The following FBLN7 variants were observed in gnomAD, a reference collection of about 807,000 sequenced individuals.
FBLN7 encodes the protein fibulin-7.
Under a neutral mutation model 44.0 loss-of-function variants are expected in FBLN7, and 31 were observed. That is an observed-to-expected ratio of 0.70 (90% CI 0.53 to 0.95). The LOEUF is 0.95. Ranked by LOEUF, FBLN7 falls within the 40% of genes least tolerant of loss-of-function variation. The pLI is 0.00. For synonymous variants in FBLN7, 262 were observed against 253.4 expected (o/e 1.03, Z -0.32); for missense variants, 573 against 618.5 (o/e 0.93, Z 0.78).
chr2:112,160,838 A>T (rs1208026488), intron 2 of FBLN7, among the ~76,000 whole-genome samples: 2 of 120,882 alleles, frequency 1.7e-5, no homozygotes, highest in Non-Finnish European at 3.6e-5. Flanking sequence ...GCATACACGC[A>T]CGCACACGCG....
intron 4 of FBLN7, among the ~76,000 whole-genome samples, chr2:112,179,652 C>T (rs753675080): frequency 2.0e-5 from 3 of 152,160 alleles, no homozygotes; most frequent in Non-Finnish European, 4.4e-5. Context: ...GGCACGTAGA[C>T]CAATGGAACG....
rs193182658 is a variant in FBLN7 at position 112,155,315 on chromosome 2, C to T, written c.76-4361C>T. 1.7e-3 allele frequency among the ~76,000 whole-genome samples: 256 copies of T among 152,316 alleles called. 7 individuals carry two copies. The highest frequency in any genetic ancestry group is 1.4e-3 in the Admixed American group (21 of 15,306). ...TCGGTGATGCCTGTGCCTATACCAA[C>T]TCAGGTGACAGATGAGCATGGCATC... On this transcript the variant is annotated intron_variant, in intron 1 of 7. Coordinates refer to ENST00000331203, the MANE Select transcript of FBLN7 (RefSeq NM_153214.3).
intron 2 of FBLN7, among the ~76,000 whole-genome samples, chr2:112,161,537 A>G (rs1002084142): frequency 9.2e-5 from 14 of 152,106 alleles, no homozygotes; most frequent in African/African-American, 2.9e-4. Context: ...AGGCCAAGAC[A>G]AGTAAGTTAG....
At chr2:112,204,925 TA>T in the FBLN7 span, among the ~76,000 whole-genome samples, 1 of 152,164 alleles carries the variant, frequency 6.6e-6, no homozygotes, top group Non-Finnish European at 1.5e-5. Flanking sequence ...ATTTTTTGTT[TA>T]TGACACTGTT....
the FBLN7 span, among the ~76,000 whole-genome samples, chr2:112,193,473 G>A: frequency 4.3e-4 from 65 of 152,250 alleles, no homozygotes; most frequent in African/African-American, 1.5e-3. Flanking sequence ...TATATGAAGA[G>A]AGCCTATGCA....
rs367842340 is a variant in FBLN7, at chr2:112,159,798, G to C, written c.198G>C (p.Gln66His). The C allele has an allele frequency of 1.9e-5, 30 of 1,587,506 alleles. No individual in the cohort carries two copies. Among genetic ancestry groups the C allele is most frequent in the African/African-American group, 5.4e-5 (4 of 74,004 alleles). Residue 66 changes from glutamine to histidine, a missense_variant, in exon 2 of 8, where the codon CAG becomes CAC. Gln to His is a conservative substitution (Grantham distance 24, BLOSUM62 0). Coordinates refer to ENST00000331203, the MANE Select transcript of FBLN7 (RefSeq NM_153214.3). ...TGAAGAGCCGGCTGGCCGCGCTGCA[G>C]AACTCTGTGGGCAGGGTGGGCCCAG... ...RHMKSRLAALQNSVGRVGPDA... is the reference protein window; with the variant it reads ...RHMKSRLAALHNSVGRVGPDA...
rs544258212 is a variant in FBLN7 at position 112,173,758 on chromosome 2, T to TA, written c.407-1955dup. Among the ~76,000 whole-genome samples, 29 of 152,342 alleles carry TA rather than the reference T, an allele frequency of 1.9e-4. No homozygotes were observed. In the South Asian group the frequency reaches 5.6e-3, roughly 29 times the overall value. On this transcript the variant is annotated intron_variant, in intron 3 of 7. Coordinates refer to ENST00000331203, the MANE Select transcript of FBLN7 (RefSeq NM_153214.3). ...TGACTGAATGCCACAGCCTGGGACA[T>TA]ACGTGCGTGTGATGACAACTGTACT...
At chr2:112,147,606 C>T (rs879359819) in intron 1 of FBLN7, among the ~76,000 whole-genome samples, 4 of 152,204 alleles carry the variant, frequency 2.6e-5, no homozygotes, top group African/African-American at 7.2e-5. Context: ...ATTTGGCTCC[C>T]GCCTTGCTGC....
chr2:112,176,934 AT>A (rs11301330), intron 4 of FBLN7: 74,523 of 143,200 alleles, frequency 0.52, 19,174 homozygotes, highest in East Asian at 0.76. Flanking sequence ...CCACTGTGGG[AT>A]TTTTTTTTTT....
chr2:112,157,990 G>A (rs549684114), intron 1 of FBLN7, among the ~76,000 whole-genome samples: 2 of 151,108 alleles, frequency 1.3e-5, no homozygotes, highest in South Asian at 2.1e-4. Context: ...TCTGCCCCCC[G>A]GGGTTCACGC....
chr2:112,207,733 A>AT, the FBLN7 span, among the ~76,000 whole-genome samples: 12 of 152,204 alleles, frequency 7.9e-5, no homozygotes, highest in Non-Finnish European at 1.6e-4. Flanking sequence ...TTGTAATGTC[A>AT]TAACAAGTCA....
At chr2:112,189,621 ATT>A (rs1186978171), downstream of FBLN7, 3 of 152,196 alleles carry the variant, frequency 2.0e-5, no homozygotes, top group Admixed American at 1.3e-4. Context: ...GTTTCATATT[ATT>A]TGAGGGAGGG....
the FBLN7 span, among the ~76,000 whole-genome samples, chr2:112,241,017 G>GTGT: frequency 6.6e-6 from 1 of 151,384 alleles, no homozygotes; most frequent in East Asian, 1.9e-4. Flanking sequence ...TTTTGTGTGT[G>GTGT]TGTGTGTGTG....
Position 112,165,025 on chromosome 2 carries a change from C to A in FBLN7, c.260C>A (p.Pro87His), listed in dbSNP as rs765787942. Residue 87 changes from proline to histidine, a missense_variant, in exon 3 of 8, where the codon CCC (proline) becomes CAC (histidine). By Grantham distance (77) the Pro-to-His change is moderately conservative. Coordinates refer to ENST00000331203, the MANE Select transcript of FBLN7 (RefSeq NM_153214.3). ...LPVSCPALNT[P>H]ADGRKFGSKY... ...GTTTCCTGCCCGGCTCTGAACACCC[C>A]CGCAGACGGCAGAAAGTTTGGAAGC... 2 of 1,614,182 alleles carry A rather than the reference C, an allele frequency of 1.2e-6. No homozygotes were observed. The highest frequency in any genetic ancestry group is 2.2e-5 in the South Asian group (2 of 91,066).
chr2:112,169,507 C>T (rs964038534), intron 3 of FBLN7, among the ~76,000 whole-genome samples: 5 of 152,152 alleles, frequency 3.3e-5, no homozygotes, highest in Non-Finnish European at 5.9e-5. Flanking sequence ...ACCAAAGAAA[C>T]GAATTTGAGA....
At chr2:112,206,385 T>C in the FBLN7 span, among the ~76,000 whole-genome samples, 8 of 152,106 alleles carry the variant, frequency 5.3e-5, no homozygotes, top group African/African-American at 1.5e-4. Flanking sequence ...ATGTTCCCTA[T>C]TATTTTTCTG....
intron 2 of FBLN7, among the ~76,000 whole-genome samples, chr2:112,162,602 A>T (rs1681934880): frequency 6.6e-6 from 1 of 152,128 alleles, no homozygotes; most frequent in East Asian, 1.9e-4. Context: ...ACTCAGTAGG[A>T]TGTGCTTCTC....
chr2:112,238,986 C>T, the FBLN7 span, among the ~76,000 whole-genome samples: 1 of 152,142 alleles, frequency 6.6e-6, no homozygotes, highest in Non-Finnish European at 1.5e-5. Flanking sequence ...ATATGAAAAC[C>T]CACTTACACT....
the FBLN7 span, among the ~76,000 whole-genome samples, chr2:112,234,514 A>T: frequency 2.0e-5 from 3 of 152,332 alleles, no homozygotes; most frequent in Admixed American, 6.5e-5. Flanking sequence ...AAAATTTTTT[A>T]AATGGGCCAG....
Sources: allele counts gnomAD v4.1 joint callset (sites outside exome capture counted in the v4.1 genomes callset), GRCh38; gene constraint gnomAD v4.1.1; transcripts MANE v1.5; gene names NCBI Gene and HGNC (gene_info 2026-07-23, HGNC 2026-07-21).